The following ADAMTS19 variants were observed in gnomAD, a reference collection of about 807,000 sequenced individuals.
ADAMTS19 encodes the protein A disintegrin and metalloproteinase with thrombospondin motifs 19.
Under a neutral mutation model 153.3 loss-of-function variants are expected in ADAMTS19, and 93 were observed. The observed-to-expected ratio is 0.61, with a 90% CI of 0.51 to 0.72. The LOEUF (loss-of-function observed/expected upper bound fraction) is 0.72, where lower values mean the gene tolerates loss of function less well. Among genes scored for constraint, ADAMTS19 ranks in the 30% least tolerant of loss-of-function variants. The pLI is 0.00. For synonymous variants in ADAMTS19, 600 were observed against 556.6 expected, an observed-to-expected ratio of 1.08 and a Z score of -1.10; for missense variants, 1,482 against 1,552.1, an observed-to-expected ratio of 0.95 and a Z score of 0.76.
At chr5:129,670,390 A>G (rs979919780) in intron 16 of ADAMTS19, among the ~76,000 whole-genome samples, 3 of 152,204 alleles carry the variant, frequency 2.0e-5, no homozygotes, top group Non-Finnish European at 4.4e-5. Context: ...AGGCCAGTGC[A>G]TTACATACAT....
At position 129,531,134 on chromosome 5, in the gene ADAMTS19, A is replaced by C. The variant is rs150126856; in HGVS notation, c.1328+2457A>C. ...TATACAGCACTCTTATGAGAAATTA[A>C]ATATCTAAATAAAGATTAATTCATT... is the stretch of plus-strand genomic sequence containing the variant. On this transcript the variant is annotated intron_variant, in intron 6 of 22. Transcript: ENST00000274487. 4.8e-3 allele frequency among the ~76,000 whole-genome samples: 732 copies of C among 152,310 alleles called. 3 individuals are homozygous for C. Among genetic ancestry groups the C allele is most frequent in the Middle Eastern group, 0.02 (6 of 294 alleles).
intron 18 of ADAMTS19, among the ~76,000 whole-genome samples, chr5:129,687,629 G>A (rs1391055744): frequency 6.6e-6 from 1 of 152,094 alleles, no homozygotes; most frequent in African/African-American, 2.4e-5. Context: ...ATCAACATGA[G>A]AAAATTGAAG....
In ADAMTS19 at chr5:129,596,608, T is replaced by A. The variant is rs1203415552; in HGVS notation, c.1422T>A (p.Ile474=). 5 of 1,609,030 alleles carry A rather than the reference T, an allele frequency of 3.1e-6. No homozygotes were observed. The highest frequency in any genetic ancestry group is 1.1e-5 in the South Asian group (1 of 90,216). The part of the protein sequence containing the change: ...GMCSEKRKCI[I]AEDNGLNLAF... Reference sequence around the variant, plus strand: ...GTAGTGAAAAGAGAAAATGTATTATTGCTGAAGACAATGGCTTGAATCTTG... The same window carrying A: ...GTAGTGAAAAGAGAAAATGTATTATAGCTGAAGACAATGGCTTGAATCTTG... Residue 474 remains isoleucine (I), a synonymous_variant, in exon 8 of 23, where the codon ATT becomes ATA. Coordinates refer to ENST00000274487, the MANE Select transcript of ADAMTS19 (RefSeq NM_133638.6).
chr5:129,491,010 T>C (rs953540486), intron 2 of ADAMTS19, among the ~76,000 whole-genome samples: 1 of 152,144 alleles, frequency 6.6e-6, no homozygotes, highest in Non-Finnish European at 1.5e-5. Context: ...CTCAGTGTTT[T>C]TTCTGAGATG....
chr5:129,690,651 G>A (rs1029705094), intron 18 of ADAMTS19, among the ~76,000 whole-genome samples: 3 of 152,022 alleles, frequency 2.0e-5, no homozygotes, highest in Admixed American at 6.6e-5. Context: ...TTTGAAAGTC[G>A]TTTAAGTTAA....
rs1750445397 is a variant in ADAMTS19 at position 129,482,429 on chromosome 5, A to AT, written c.747+20676dup. On this transcript the variant is annotated intron_variant, in intron 2 of 22. Transcript: ENST00000274487. ...TCTTTGGATTTTTGCTGTTCCATAT[A>AT]TTTTATAATAGAAGATATTTCATGT... Among the ~76,000 whole-genome samples the AT allele has an allele frequency of 3.3e-5, 5 of 152,282 alleles. No individual in the cohort carries two copies. The South Asian group carries it at 1.0e-3, about 32-fold the overall frequency.
chr5:129,672,256 C>T (rs868351046), intron 16 of ADAMTS19, among the ~76,000 whole-genome samples: 5 of 152,076 alleles, frequency 3.3e-5, no homozygotes, highest in East Asian at 1.9e-4. Flanking sequence ...AATTACCTCC[C>T]GAAGACTCCA....
At chr5:129,460,602 T>C in intron 1 of ADAMTS19, 120 bp downstream of exon 1, 1 of 1,107,518 alleles carries the variant, frequency 9.0e-7, no homozygotes, top group Non-Finnish European at 1.4e-6. Context: ...TGGGTAGCAA[T>C]AAAAATGAGC....
chr5:129,597,512 T>A (rs957606086), intron 8 of ADAMTS19, among the ~76,000 whole-genome samples: 5 of 152,186 alleles, frequency 3.3e-5, no homozygotes, highest in Admixed American at 3.3e-4. Context: ...TCTTCTGGCC[T>A]AGATTCCTCG....
intron 7 of ADAMTS19, among the ~76,000 whole-genome samples, chr5:129,573,166 T>G (rs1031817922): frequency 1.3e-5 from 2 of 152,158 alleles, no homozygotes; most frequent in African/African-American, 4.8e-5. Flanking sequence ...CTTCCCAGTT[T>G]TGTACCTCTT....
In ADAMTS19 at chr5:129,622,200, C is replaced by A; in HGVS notation, c.1622C>A (p.Ser541Ter). 1.2e-6 allele frequency: 2 copies of A among 1,614,028 alleles called. No individual in the cohort carries two copies. Among genetic ancestry groups the A allele is most frequent in the South Asian group, 2.2e-5 (2 of 91,076 alleles). ...TACACATACCTGCCTATTGCCAGGT[C>A]AAAGGCCAGTAACTGCTTGCTACAA... ...SKEDLERFLR[S>*]KASNCLLQTN... The change falls in exon 10 of 23, where the codon TCA becomes TAA. Residue 541 changes from serine to a stop codon, truncating the protein, a stop_gained and splice_region_variant. Transcript: ENST00000274487. LOFTEE classifies it high-confidence loss of function.
At chr5:129,637,908 T>G (rs1752605990) in intron 10 of ADAMTS19, among the ~76,000 whole-genome samples, 1 of 152,056 alleles carries the variant, frequency 6.6e-6, no homozygotes, top group Non-Finnish European at 1.5e-5. Context: ...AAGTGGGCAC[T>G]AAATGATACG....
At chr5:129,720,074 T>G (rs1756917225) in intron 21 of ADAMTS19, among the ~76,000 whole-genome samples, 1 of 151,250 alleles carries the variant, frequency 6.6e-6, no homozygotes, top group Non-Finnish European at 1.5e-5. Context: ...TTATCTTTTT[T>G]TCTTTTGAGC....
chr5:129,560,425 G>C (rs533939187), intron 7 of ADAMTS19, among the ~76,000 whole-genome samples: 2 of 152,164 alleles, frequency 1.3e-5, no homozygotes, highest in Non-Finnish European at 2.9e-5. Context: ...ACCTCACCTT[G>C]AACAGGCATT....
intron 11 of ADAMTS19, among the ~76,000 whole-genome samples, chr5:129,647,510 A>C (rs1208623780): frequency 6.6e-6 from 1 of 152,130 alleles, no homozygotes; most frequent in Non-Finnish European, 1.5e-5. Flanking sequence ...TCTCCATCAC[A>C]AAAACTGAAT....
chr5:129,471,331 A>C (rs1403117391), intron 2 of ADAMTS19, among the ~76,000 whole-genome samples: 2 of 152,008 alleles, frequency 1.3e-5, no homozygotes, highest in Non-Finnish European at 2.9e-5. Context: ...GCACCACTGC[A>C]CTACAGCCTG....
Position 129,643,275 on chromosome 5 carries a change from T to C in ADAMTS19, c.1872+1315T>C, listed in dbSNP as rs538262590. Among the ~76,000 whole-genome samples, 28 of 150,220 alleles carry C rather than the reference T, an allele frequency of 1.9e-4. 1 individual carries two copies. In the South Asian group the frequency reaches 5.4e-3, roughly 29 times the overall value. ...TACCCAGAAGGCTGAGGTGGAAGGA[T>C]TGCTTGAGCCTGGAAGGCAGAGGTT... On this transcript the variant is annotated intron_variant, in intron 11 of 22. Transcript: ENST00000274487.
intron 14 of ADAMTS19, among the ~76,000 whole-genome samples, chr5:129,657,940 C>T (rs958262653): frequency 5.9e-5 from 9 of 151,992 alleles, no homozygotes; most frequent in African/African-American, 9.7e-5. Flanking sequence ...GCATTTTTCT[C>T]AATAATATTT....
At position 129,514,770 on chromosome 5, in the gene ADAMTS19, G is replaced by A. The variant is rs1042400775; in HGVS notation, c.913+5528G>A. Among the ~76,000 whole-genome samples the A allele has an allele frequency of 1.6e-3, 247 of 151,928 alleles. 1 individual carries two copies. The highest frequency in any genetic ancestry group is 5.4e-3 in the African/African-American group (224 of 41,444). ...CACTTTGTTAATTGTATCCTTTGCCGTGCAGAAGCTTTTTAACTTGATGTG... is the reference window on the plus strand; with the variant it reads ...CACTTTGTTAATTGTATCCTTTGCCATGCAGAAGCTTTTTAACTTGATGTG... On this transcript the variant is annotated intron_variant, in intron 3 of 22. Coordinates refer to ENST00000274487, the MANE Select transcript of ADAMTS19 (RefSeq NM_133638.6).
Sources: allele counts gnomAD v4.1 joint callset (sites outside exome capture counted in the v4.1 genomes callset), GRCh38; gene constraint gnomAD v4.1.1; transcripts MANE v1.5; gene names NCBI Gene and HGNC (gene_info 2026-07-23, HGNC 2026-07-21).